The following ADAMTS3 variants were observed in gnomAD, a reference collection of about 807,000 sequenced individuals.
ADAMTS3 encodes A disintegrin and metalloproteinase with thrombospondin motifs 3.
In ADAMTS3, 73 loss-of-function variants were observed where a neutral mutation model predicts 129.0. That is an observed-to-expected ratio of 0.57 (90% CI 0.47 to 0.69). ADAMTS3 has a LOEUF of 0.69. Ranked by LOEUF, ADAMTS3 falls within the 30% of genes least tolerant of loss-of-function variation. ADAMTS3 has a pLI of 0.00. For synonymous variants in ADAMTS3, 477 were observed against 510.8 expected, an observed-to-expected ratio of 0.93 and a Z score of 0.89; for missense variants, 1,457 against 1,514.5, an observed-to-expected ratio of 0.96 and a Z score of 0.63.
At chr4:72,554,758 G>C (rs1418995752) in intron 2 of ADAMTS3, among the ~76,000 whole-genome samples, 2 of 151,730 alleles carry the variant, frequency 1.3e-5, no homozygotes, top group African/African-American at 2.4e-5. Context: ...TCCCCACACA[G>C]AATTTCTCAC....
intron 4 of ADAMTS3, among the ~76,000 whole-genome samples, chr4:72,384,201 T>C (rs1242177674): frequency 1.3e-5 from 2 of 152,110 alleles, no homozygotes; most frequent in Non-Finnish European, 2.9e-5. Context: ...GACATACATA[T>C]AACTGGAATC....
chr4:72,295,300 G>T (rs568481080), intron 19 of ADAMTS3, among the ~76,000 whole-genome samples: 50 of 151,720 alleles, frequency 3.3e-4, no homozygotes, highest in African/African-American at 1.2e-3. Context: ...TTTGCGGAGT[G>T]GTCATAAAAT....
rs372780146 is a variant in ADAMTS3, at chr4:72,519,737, G to T, written c.504+28741C>A. Among the ~76,000 whole-genome samples the T allele has an allele frequency of 2.6e-5, 4 of 152,110 alleles. No homozygotes were observed. In the South Asian group the frequency reaches 6.2e-4, roughly 24 times the overall value. ...TATTGGTTATTCTAGTTATACATTC[G>T]TCTAAATTTTTTTCAAAGTTTTCAA... On this transcript the variant is annotated intron_variant, in intron 3 of 21. Coordinates refer to ENST00000286657, the MANE Select transcript of ADAMTS3 (RefSeq NM_014243.3).
At chr4:72,491,691 T>C (rs542539435) in intron 3 of ADAMTS3, among the ~76,000 whole-genome samples, 5 of 152,008 alleles carry the variant, frequency 3.3e-5, no homozygotes, top group Admixed American at 2.6e-4. Context: ...TTGAGGATTT[T>C]TGCATCCATG....
chr4:72,547,691 GATAAAATAAAAACTAATTACTAGAATA>G (rs1200228855), intron 3 of ADAMTS3, among the ~76,000 whole-genome samples: 1 of 152,014 alleles, frequency 6.6e-6, no homozygotes, highest in African/African-American at 2.4e-5. Flanking sequence ...AATACAATTT[GATAAAATAAAAACTAATTACTAGAATA>G]ATAAAATGAA....
At chr4:72,453,447 C>A (rs1420957838) in intron 3 of ADAMTS3, among the ~76,000 whole-genome samples, 1 of 151,774 alleles carries the variant, frequency 6.6e-6, no homozygotes, top group Non-Finnish European at 1.5e-5. Context: ...AACTACCCAA[C>A]AATCCAGCAA....
intron 4 of ADAMTS3, among the ~76,000 whole-genome samples, chr4:72,363,595 T>C (rs1011683054): frequency 6.6e-6 from 1 of 152,186 alleles, no homozygotes; most frequent in African/African-American, 2.4e-5. Flanking sequence ...TTGTTTGTTT[T>C]GTTTTCAAAG....
intron 4 of ADAMTS3, among the ~76,000 whole-genome samples, chr4:72,376,808 C>G (rs2068432874): frequency 6.6e-6 from 1 of 152,040 alleles, no homozygotes; most frequent in South Asian, 2.1e-4. Context: ...TAGGCTGTTC[C>G]ATATTTGTCT....
chr4:72,288,837 A>T lies in ADAMTS3; in HGVS notation c.2963T>A (p.Val988Glu), dbSNP rs1369528004. Residue 988 changes from valine to glutamate, a missense_variant, in exon 21 of 22, where the codon GTG (valine) becomes GAG (glutamate). Transcript: ENST00000286657. ...CCCAGCCCTGCAGAGGACCTGCCTC[A>T]CCTCCGTTCCTTCACCGCAGGTCAC... ...CSVTCGEGTEVRQVLCRAGDH... is the reference protein window; with the variant it reads ...CSVTCGEGTEERQVLCRAGDH... 6.2e-7 allele frequency: 1 copy of T among 1,613,132 alleles called. No individual in the cohort carries two copies. The highest frequency in any genetic ancestry group is 2.2e-5 in the East Asian group (1 of 44,736).
At chr4:72,500,987 C>A (rs1274970823) in intron 3 of ADAMTS3, among the ~76,000 whole-genome samples, 4 of 152,112 alleles carry the variant, frequency 2.6e-5, no homozygotes, top group African/African-American at 4.8e-5. Context: ...TGTTTTTGTG[C>A]ATGTACCATG....
intron 4 of ADAMTS3, among the ~76,000 whole-genome samples, chr4:72,364,634 A>G (rs1411862124): frequency 1.3e-5 from 2 of 152,084 alleles, no homozygotes; most frequent in African/African-American, 4.8e-5. Context: ...AAAATCAATA[A>G]ATGTTGTTCA....
At chr4:72,352,107 T>C in intron 4 of ADAMTS3, among the ~76,000 whole-genome samples, 1 of 152,026 alleles carries the variant, frequency 6.6e-6, no homozygotes, top group East Asian at 1.9e-4. Context: ...AAAGATTATA[T>C]GTTTTTAGTC....
chr4:72,480,846 A>G (rs1448242143), intron 3 of ADAMTS3, among the ~76,000 whole-genome samples: 3 of 151,858 alleles, frequency 2.0e-5, no homozygotes, highest in East Asian at 1.9e-4. Flanking sequence ...CATAGAAACA[A>G]TAAGTGAATT....
At chr4:72,450,743 C>T (rs866792249) in intron 3 of ADAMTS3, among the ~76,000 whole-genome samples, 3 of 151,624 alleles carry the variant, frequency 2.0e-5, no homozygotes, top group African/African-American at 4.8e-5. Context: ...CATTTCCAGC[C>T]GGGTGCCTTG....
chr4:72,400,907 T>C (rs1335302290), intron 4 of ADAMTS3, among the ~76,000 whole-genome samples: 1 of 150,194 alleles, frequency 6.7e-6, no homozygotes, highest in Admixed American at 6.6e-5. Flanking sequence ...GACATACATA[T>C]ATTGGACATA....
intron 4 of ADAMTS3, among the ~76,000 whole-genome samples, chr4:72,347,794 A>G (rs1340312821): frequency 6.6e-6 from 1 of 152,096 alleles, no homozygotes; most frequent in Admixed American, 6.6e-5. Flanking sequence ...TTACTAGATT[A>G]CATTCTAGTA....
rs1051928341 is a variant in ADAMTS3, at chr4:72,318,836, A to G, written c.1353-132T>C. The G allele has an allele frequency of 5.5e-6, 5 of 912,836 alleles. No homozygotes were observed. In the African/African-American group the frequency reaches 8.5e-5, roughly 15 times the overall value. The allele number at this position is 912,836 out of a possible 1,614,324, so 56.5% of individuals were successfully genotyped here. ...GATCATACAGCAAATTTGCAAAAAC[A>G]TGTATTTAAGGTTTTGGTTTTGGTT... On this transcript the variant is annotated intron_variant, in intron 9 of 21. Coordinates refer to ENST00000286657, the MANE Select transcript of ADAMTS3 (RefSeq NM_014243.3).
intron 3 of ADAMTS3, chr4:72,441,796 C>T (rs922411993): frequency 3.3e-5 from 5 of 149,720 alleles, no homozygotes; most frequent in Non-Finnish European, 7.4e-5. Context: ...TTTCCCCACA[C>T]AGAACCATCT....
At chr4:72,341,879 G>A (rs987940558) in intron 4 of ADAMTS3, among the ~76,000 whole-genome samples, 5 of 152,112 alleles carry the variant, frequency 3.3e-5, no homozygotes, top group East Asian at 1.9e-4. Context: ...CCTCCATGCT[G>A]GGCAGTGTTC....
Sources: gnomAD v4.1 joint callset for allele counts (sites outside exome capture counted in the v4.1 genomes callset) on GRCh38, gnomAD v4.1.1 for gene constraint, MANE v1.5 for transcripts, NCBI Gene and HGNC (gene_info 2026-07-23, HGNC 2026-07-21) for gene names.